The following ACSL3 variants were observed in gnomAD, a reference collection of about 807,000 sequenced individuals.
ACSL3 encodes fatty acid CoA ligase Acsl3.
A neutral mutation model predicts 84.7 loss-of-function variants in ACSL3; 34 were observed. The observed-to-expected ratio is 0.40, with a 90% CI of 0.31 to 0.53. The LOEUF (loss-of-function observed/expected upper bound fraction) is 0.53, where lower values mean the gene tolerates loss of function less well. Ranked by LOEUF, ACSL3 falls within the 20% of genes least tolerant of loss-of-function variation. The pLI, the probability that ACSL3 is intolerant of heterozygous loss-of-function variation, is 0.48. For synonymous variants in ACSL3, 315 were observed against 299.4 expected (o/e 1.05, Z -0.54); for missense variants, 680 against 873.1 (o/e 0.78, Z 2.79).
Position 222,924,475 on chromosome 2 carries a change from A to T in ACSL3, c.1172A>T (p.Tyr391Phe), listed in dbSNP as rs1696822613. 6.2e-7 allele frequency: 1 copy of T among 1,606,480 alleles called. No individual in the cohort carries two copies. The highest frequency in any genetic ancestry group is 8.5e-7 in the Non-Finnish European group (1 of 1,177,246). ...AAVPEIMDRI[Y>F]KNVMNKVSEM... ...ATTTAGGAAATCATGGATCGGATCTACAAAAATGTCATGAATAAAGTCAGT... is the reference window on the plus strand; with the variant it reads ...ATTTAGGAAATCATGGATCGGATCTTCAAAAATGTCATGAATAAAGTCAGT... Residue 391 changes from tyrosine to phenylalanine, a missense_variant, in exon 11 of 17, where the codon TAC (tyrosine) becomes TTC (phenylalanine). Physicochemically the swap from Tyr to Phe is conservative, Grantham distance 22 (BLOSUM62 3). Coordinates refer to ENST00000357430, the MANE Select transcript of ACSL3 (RefSeq NM_004457.5).
chr2:222,877,557 C>G (rs911664027), intron 1 of ACSL3, among the ~76,000 whole-genome samples: 33 of 152,326 alleles, frequency 2.2e-4, no homozygotes, highest in South Asian at 8.3e-4. Flanking sequence ...TACATATACA[C>G]TTATACCTTT....
intron 4 of ACSL3, among the ~76,000 whole-genome samples, chr2:222,911,126 C>G (rs563585058): frequency 6.6e-6 from 1 of 151,756 alleles, no homozygotes; most frequent in African/African-American, 2.4e-5. Context: ...CTCAGCTCAC[C>G]GCAACGTCCG....
chr2:222,926,937 A>G, intron 11 of ACSL3, 80 bp from the exon 12 acceptor site: 1 of 1,472,600 alleles, frequency 6.8e-7, no homozygotes, highest in Middle Eastern at 1.9e-4. Context: ...TCTCATATCA[A>G]AACTGGGGGA....
At chr2:222,901,761 A>G (rs949524421) in intron 3 of ACSL3, among the ~76,000 whole-genome samples, 1 of 152,126 alleles carries the variant, frequency 6.6e-6, no homozygotes, top group African/African-American at 2.4e-5. Flanking sequence ...CCTGGCCAAC[A>G]TGGTGAAACC....
chr2:222,862,795 A>G (rs1297477398), intron 1 of ACSL3, among the ~76,000 whole-genome samples: 1 of 152,200 alleles, frequency 6.6e-6, no homozygotes, highest in African/African-American at 2.4e-5. Flanking sequence ...GTCACCTCGT[A>G]TCTTTGGATC....
chr2:222,937,662 C>T (rs1306483173), intron 16 of ACSL3, among the ~76,000 whole-genome samples: 2 of 152,112 alleles, frequency 1.3e-5, no homozygotes, highest in African/African-American at 2.4e-5. Flanking sequence ...CTATTTCCAT[C>T]CTTCACTTTA....
At chr2:222,890,655 T>C (rs1309323949) in intron 2 of ACSL3, among the ~76,000 whole-genome samples, 1 of 152,152 alleles carries the variant, frequency 6.6e-6, no homozygotes, top group Non-Finnish European at 1.5e-5. Context: ...TGTTTGTTTA[T>C]TTTTGAGACA....
In ACSL3 at chr2:222,930,636, C is replaced by T. The variant is rs1251250221; in HGVS notation, c.1556C>T (p.Thr519Ile). ...KNWEEGGYFNTDKPHPRGEIL... is the reference protein window; with the variant it reads ...KNWEEGGYFNIDKPHPRGEIL... ...ATTTTATTAGGTGGATACTTTAATA[C>T]TGATAAGCCACACCCCAGGGGTGAA... is the stretch of plus-strand genomic sequence containing the variant. The change falls in exon 14 of 17, where the codon ACT (threonine) becomes ATT (isoleucine). Residue 519 changes from threonine to isoleucine, a missense_variant. Thr to Ile is a moderately conservative substitution (Grantham distance 89). This residue lies in a region of ACSL3 where 347 missense variants were observed against 525.7 expected (regional missense o/e 0.66). Coordinates refer to ENST00000357430, the MANE Select transcript of ACSL3 (RefSeq NM_004457.5). The T allele has an allele frequency of 6.2e-7, 1 of 1,611,174 alleles. No individual in the cohort carries two copies. Among genetic ancestry groups the T allele is most frequent in the Non-Finnish European group, 8.5e-7 (1 of 1,178,838 alleles).
chr2:222,868,936 C>T (rs1050405908), intron 1 of ACSL3, among the ~76,000 whole-genome samples: 15 of 150,870 alleles, frequency 9.9e-5, no homozygotes, highest in African/African-American at 3.4e-4. Context: ...TGCCATTGCA[C>T]TCCAGCCTGG....
intron 6 of ACSL3, among the ~76,000 whole-genome samples, chr2:222,918,542 T>C (rs962443272): frequency 1.4e-5 from 2 of 139,318 alleles, no homozygotes; most frequent in Non-Finnish European, 3.1e-5. Flanking sequence ...GTTTGGAAGT[T>C]AAAAAGGGAG....
intron 5 of ACSL3, 43 bp downstream of exon 5, chr2:222,916,539 A>G: frequency 2.0e-6 from 3 of 1,483,314 alleles, no homozygotes; most frequent in Admixed American, 2.2e-5. Context: ...AACTTAACTG[A>G]TATTTATTGA....
At chr2:222,890,970 T>A (rs1344857602) in intron 2 of ACSL3, among the ~76,000 whole-genome samples, 1 of 152,196 alleles carries the variant, frequency 6.6e-6, no homozygotes, top group African/African-American at 2.4e-5. Flanking sequence ...AAAGTGAATT[T>A]GTTACTTCAA....
intron 5 of ACSL3, chr2:222,916,809 A>G (rs1032088051): frequency 2.1e-5 from 4 of 193,142 alleles, no homozygotes; most frequent in African/African-American, 4.6e-5. Flanking sequence ...GTTACTGTCA[A>G]TTTTGTTCTG....
chr2:222,866,599 C>T (rs1330011383), intron 1 of ACSL3, among the ~76,000 whole-genome samples: 2 of 152,154 alleles, frequency 1.3e-5, no homozygotes, highest in African/African-American at 4.8e-5. Context: ...CTGGGCGCTG[C>T]ATCTCCTCTC....
chr2:222,878,084 C>A lies in ACSL3; in HGVS notation c.-206-9746C>A, dbSNP rs373445742. On this transcript the variant is annotated intron_variant, in intron 1 of 16. Transcript: ENST00000357430. ...CACCCAGTGCCCAGCGTATAGGAGA[C>A]ACTCACATTTGTTGAATGAATGAAT... Among the ~76,000 whole-genome samples, 66 of 152,302 alleles carry A rather than the reference C, an allele frequency of 4.3e-4. No homozygotes were observed. The South Asian group carries it at 0.013, about 30-fold the overall frequency.
intron 2 of ACSL3, among the ~76,000 whole-genome samples, chr2:222,898,519 A>G (rs956486106): frequency 1.3e-5 from 2 of 152,198 alleles, no homozygotes; most frequent in Admixed American, 1.3e-4. Flanking sequence ...TTCATTTTAA[A>G]TGACCTCTAA....
chr2:222,926,655 A>G (rs1358666432), intron 11 of ACSL3, among the ~76,000 whole-genome samples: 5 of 152,198 alleles, frequency 3.3e-5, no homozygotes, highest in African/African-American at 1.2e-4. Context: ...TTTGATTTTA[A>G]TACATTTCAT....
At chr2:222,870,994 G>A (rs1695286455) in intron 1 of ACSL3, among the ~76,000 whole-genome samples, 1 of 152,088 alleles carries the variant, frequency 6.6e-6, no homozygotes, top group Non-Finnish European at 1.5e-5. Context: ...AGGGGGAGAG[G>A]GGACTAGAGA....
rs1385988046 is a variant in ACSL3, at chr2:222,887,829, G to C, written c.-206-1G>C. On this transcript the variant is annotated splice_acceptor_variant, in intron 1 of 16. Coordinates refer to ENST00000357430, the MANE Select transcript of ACSL3 (RefSeq NM_004457.5). LOFTEE classifies it low-confidence loss of function (5UTR_SPLICE). ...TGTCTTTTTTATGTTTGTTTTGACA[G>C]GTTTTGACACAAGGGCGCATATCTT... The C allele has an allele frequency of 6.6e-6, 1 of 152,088 alleles. No individual in the cohort carries two copies. The highest frequency in any genetic ancestry group is 6.5e-5 in the Admixed American group (1 of 15,278). 9.4% of individuals were successfully genotyped at this position (152,088 alleles called of 1,614,324 possible). A position where few individuals can be genotyped will look rare whatever the true frequency, so the allele number is the denominator to read the frequency against.
Sources: allele counts gnomAD v4.1 joint callset (sites outside exome capture counted in the v4.1 genomes callset), GRCh38; gene constraint gnomAD v4.1.1; regional missense constraint gnomAD v4.1.1; transcripts MANE v1.5; gene names NCBI Gene and HGNC (gene_info 2026-07-23, HGNC 2026-07-21).